Variants in BICC1 observed in about 807,000 individuals in gnomAD.
BICC1 encodes protein bicaudal C homolog 1.
In BICC1, 43 loss-of-function variants were observed where a neutral mutation model predicts 111.0. The ratio of observed to expected loss-of-function variants is 0.39; its 90% CI spans 0.30 to 0.50. BICC1 has a LOEUF of 0.50. BICC1 is among the 20% of genes least tolerant of loss of function. The pLI is 0.88. For missense variants in BICC1, 1,091 were observed against 1,203.2 expected, an observed-to-expected ratio of 0.91 and a Z score of 1.38; for synonymous variants, 467 against 434.4, an observed-to-expected ratio of 1.07 and a Z score of -0.93.
At chr10:58,715,436 C>G in intron 3 of BICC1, 1 of 643,088 alleles carries the variant, frequency 1.6e-6, no homozygotes, top group Non-Finnish European at 2.8e-6. Flanking sequence ...GATTTTTCTT[C>G]TTAAAAAATA....
intron 1 of BICC1, among the ~76,000 whole-genome samples, chr10:58,600,428 C>T (rs7899985): frequency 0.12 from 17,597 of 152,036 alleles, 1,279 homozygotes; most frequent in African/African-American, 0.21. Context: ...AAGCTGTACA[C>T]GACTTACTGG....
intron 1 of BICC1, among the ~76,000 whole-genome samples, chr10:58,520,404 G>C (rs1842358020): frequency 6.6e-6 from 1 of 152,086 alleles, no homozygotes; most frequent in Admixed American, 6.6e-5. Flanking sequence ...AGTCTCCAGA[G>C]AGCACAAAAC....
intron 2 of BICC1, among the ~76,000 whole-genome samples, chr10:58,634,238 C>G (rs145437097): frequency 5.9e-5 from 9 of 152,062 alleles, no homozygotes; most frequent in African/African-American, 1.9e-4. Context: ...GGTGATCCAC[C>G]GCCTCGGCCT....
At position 58,787,082 on chromosome 10, in the gene BICC1, G is replaced by C; in HGVS notation, c.546+1G>C. 6.4e-7 allele frequency: 1 copy of C among 1,570,012 alleles called. No individual in the cohort carries two copies. Among genetic ancestry groups the C allele is most frequent in the Non-Finnish European group, 8.6e-7 (1 of 1,163,796 alleles). Reference sequence around the variant, plus strand: ...TAACCAAGCAGAAAAAAGCAACCAGGTGGTTTGTCTTTTCACATGAACTTT... The same window carrying C: ...TAACCAAGCAGAAAAAAGCAACCAGCTGGTTTGTCTTTTCACATGAACTTT... On this transcript the variant is annotated splice_donor_variant, in intron 5 of 20. Transcript: ENST00000373886. LOFTEE classifies it high-confidence loss of function.
intron 2 of BICC1, among the ~76,000 whole-genome samples, chr10:58,633,546 A>G (rs1039770885): frequency 6.6e-6 from 1 of 152,244 alleles, no homozygotes. Context: ...AGCTATTGTG[A>G]TGCCATCATT....
chr10:58,810,428 T>C (rs996278457), intron 17 of BICC1, among the ~76,000 whole-genome samples: 2 of 152,192 alleles, frequency 1.3e-5, no homozygotes, highest in African/African-American at 4.8e-5. Flanking sequence ...ACTGCCTCTT[T>C]AAGTGCTACT....
intron 2 of BICC1, among the ~76,000 whole-genome samples, chr10:58,682,476 T>G (rs1839560798): frequency 6.6e-6 from 1 of 152,198 alleles, no homozygotes; most frequent in African/African-American, 2.4e-5. Flanking sequence ...TAGTTTACAT[T>G]CCCACCAGCA....
At chr10:58,697,261 G>A (rs1217393700) in intron 2 of BICC1, among the ~76,000 whole-genome samples, 1 of 152,120 alleles carries the variant, frequency 6.6e-6, no homozygotes, top group East Asian at 1.9e-4. Flanking sequence ...GGAATTAATT[G>A]GATTGTGAGA....
intron 1 of BICC1, among the ~76,000 whole-genome samples, chr10:58,517,934 A>G (rs1163972035): frequency 2.0e-5 from 3 of 152,196 alleles, no homozygotes; most frequent in African/African-American, 7.2e-5. Flanking sequence ...GTATATTGGA[A>G]ACTTTAGTTT....
chr10:58,518,574 T>TTA (rs1554800602), intron 1 of BICC1, among the ~76,000 whole-genome samples: 2 of 59,264 alleles, frequency 3.4e-5, no homozygotes, highest in African/African-American at 1.7e-4. Flanking sequence ...TGTGAATCCT[T>TTA]TGTGTATGTG....
rs1843228531 is a variant in BICC1, at chr10:58,549,336, C to A, written c.190+36003C>A. Among the ~76,000 whole-genome samples the A allele has an allele frequency of 2.6e-5, 4 of 152,092 alleles. No individual in the cohort carries two copies. In the South Asian group the frequency reaches 8.3e-4, roughly 32 times the overall value. ...CAATTGCTATATTATATGATAGAGA[C>A]TGTGTTTAGCTTTTTAAGACACTGC... On this transcript the variant is annotated intron_variant, in intron 1 of 20. Transcript: ENST00000373886.
chr10:58,616,200 G>C (rs1378125411), intron 1 of BICC1, among the ~76,000 whole-genome samples: 1 of 152,212 alleles, frequency 6.6e-6, no homozygotes, highest in Non-Finnish European at 1.5e-5. Flanking sequence ...ATACCGAGGA[G>C]GCTGTTAGTG....
chr10:58,792,253 T>G (rs1400984114), intron 8 of BICC1, among the ~76,000 whole-genome samples: 1 of 150,004 alleles, frequency 6.7e-6, no homozygotes, highest in Non-Finnish European at 1.5e-5. Context: ...AGTAGAGCAT[T>G]AGAGAAAAAA....
At chr10:58,654,066 T>C (rs1024427982) in intron 2 of BICC1, among the ~76,000 whole-genome samples, 1 of 146,074 alleles carries the variant, frequency 6.8e-6, no homozygotes, top group African/African-American at 2.5e-5. Flanking sequence ...CACATTTTCT[T>C]AATCCAGTCT....
chr10:58,527,907 G>T (rs1842586866), intron 1 of BICC1, among the ~76,000 whole-genome samples: 1 of 151,936 alleles, frequency 6.6e-6, no homozygotes, highest in African/African-American at 2.4e-5. Context: ...CTTTGGTTAT[G>T]CTTTCTCAGT....
chr10:58,784,357 A>G (rs556704565), intron 3 of BICC1, among the ~76,000 whole-genome samples: 1 of 152,334 alleles, frequency 6.6e-6, no homozygotes, highest in Non-Finnish European at 1.5e-5. Context: ...GTAATAAACA[A>G]TATTAGTCAC....
chr10:58,713,145 A>G (rs1195091979), intron 3 of BICC1, among the ~76,000 whole-genome samples: 1 of 152,216 alleles, frequency 6.6e-6, no homozygotes, highest in Non-Finnish European at 1.5e-5. Flanking sequence ...TGCCTAAATT[A>G]AACAGTAAAA....
intron 2 of BICC1, among the ~76,000 whole-genome samples, chr10:58,667,608 A>G (rs1204176043): frequency 6.6e-6 from 1 of 152,080 alleles, no homozygotes; most frequent in Admixed American, 6.6e-5. Context: ...TTAGTAAAGA[A>G]CAGTGAAATT....
chr10:58,822,849 G>C (rs1431152557), intron 20 of BICC1, among the ~76,000 whole-genome samples: 2 of 152,022 alleles, frequency 1.3e-5, no homozygotes, highest in Non-Finnish European at 2.9e-5. Flanking sequence ...ACTCACATTT[G>C]TCTTATGGTT....
Sources: allele counts gnomAD v4.1 joint callset (sites outside exome capture counted in the v4.1 genomes callset), GRCh38; gene constraint gnomAD v4.1.1; transcripts MANE v1.5; gene names NCBI Gene and HGNC (gene_info 2026-07-23, HGNC 2026-07-21).